UBE3A: variants seen among roughly 807,000 people sequenced by gnomAD.
UBE3A encodes the protein ubiquitin protein ligase E3A.
UBE3A carries 6 observed loss-of-function variants against 83.4 expected under a neutral mutation model. The observed-to-expected ratio is 0.07, with a 90% CI of 0.04 to 0.14. The LOEUF (loss-of-function observed/expected upper bound fraction) is 0.14, where lower values mean the gene tolerates loss of function less well. Ranked by LOEUF, UBE3A falls within the 10% of genes least tolerant of loss-of-function variation. The pLI is 1.00. For synonymous variants in UBE3A, 337 were observed against 355.4 expected (o/e 0.95, Z 0.58); for missense variants, 456 against 1,036.1 (o/e 0.44, Z 7.69).
intron 1 of UBE3A, among the ~76,000 whole-genome samples, chr15:25,421,040 T>A (rs1889580439): frequency 6.6e-6 from 1 of 152,238 alleles, no homozygotes; most frequent in Non-Finnish European, 1.5e-5. Flanking sequence ...ACGGTTTGAA[T>A]ATTTGTCCTG....
In UBE3A at chr15:25,338,606, T is replaced by C. The variant is rs911478529; in HGVS notation, c.*531A>G. On this transcript the variant is annotated 3_prime_UTR_variant, in exon 13 of 13. Transcript: ENST00000648336. ...ATTGCATCACACTGTTTTCAAGACT[T>C]CAAGTTTCAAAAGCAAATCATTAAA... is the stretch of plus-strand genomic sequence containing the variant. The C allele has an allele frequency of 6.6e-6, 1 of 152,082 alleles. No individual in the cohort carries two copies. The highest frequency in any genetic ancestry group is 1.5e-5 in the Non-Finnish European group (1 of 68,014). 9.4% of individuals were successfully genotyped at this position (152,082 alleles called of 1,614,324 possible).
chr15:25,334,636 A>G lies in UBE3A; in HGVS notation c.*4501T>C, dbSNP rs1053746815. 1 of 151,768 alleles carries G rather than the reference A, an allele frequency of 6.6e-6. No individual in the cohort carries two copies. The highest frequency in any genetic ancestry group is 1.5e-5 in the Non-Finnish European group (1 of 67,976). The allele number at this position is 151,768 out of a possible 1,614,324, so 9.4% of individuals were successfully genotyped here. ...AAAAAAAAAAATGGAGGACTTGCAC[A>G]TCCCAAATCTAAACTTACTACCAAG... is the stretch of plus-strand genomic sequence containing the variant. On this transcript the variant is annotated 3_prime_UTR_variant, in exon 13 of 13. Coordinates refer to ENST00000648336, the MANE Select transcript of UBE3A (RefSeq NM_130839.5).
intron 4 of UBE3A, among the ~76,000 whole-genome samples, chr15:25,402,088 G>A (rs1177747798): frequency 1.2e-4 from 18 of 152,110 alleles, no homozygotes; most frequent in Admixed American, 1.1e-3. Flanking sequence ...TTTGACTGGT[G>A]TCACGTTTCC....
intron 6 of UBE3A, among the ~76,000 whole-genome samples, chr15:25,365,776 A>C (rs1243996844): frequency 1.3e-5 from 2 of 151,512 alleles, no homozygotes; most frequent in African/African-American, 4.8e-5. Context: ...GAGGAAAAAG[A>C]AAGAAAGGCT....
At chr15:25,376,298 T>C (rs1595867382) in intron 4 of UBE3A, among the ~76,000 whole-genome samples, 1 of 152,308 alleles carries the variant, frequency 6.6e-6, no homozygotes, top group South Asian at 2.1e-4. Context: ...CATGGGAGAC[T>C]TAAAAATAAA....
rs149970079 is a variant in UBE3A at position 25,433,433 on chromosome 15, G to C, written c.-165+5056C>G. Among the ~76,000 whole-genome samples, 6 of 152,176 alleles carry C rather than the reference G, an allele frequency of 3.9e-5. No homozygotes were observed. In the East Asian group the frequency reaches 1.2e-3, roughly 30 times the overall value. ...GATCTCCTGATCTCGTGATCCGCCCGCCTCGGCTTCCCAAAGTGCTGGGAT... is the reference window on the plus strand; with the variant it reads ...GATCTCCTGATCTCGTGATCCGCCCCCCTCGGCTTCCCAAAGTGCTGGGAT... On this transcript the variant is annotated intron_variant, in intron 1 of 12. Transcript: ENST00000648336.
intron 11 of UBE3A, chr15:25,345,779 G>A (rs547398628): frequency 1.3e-5 from 2 of 152,074 alleles, no homozygotes. Flanking sequence ...CATTAGAAAT[G>A]GGAAATTTCT....
chr15:25,397,231 A>G (rs1388519922), intron 4 of UBE3A, among the ~76,000 whole-genome samples: 1 of 152,140 alleles, frequency 6.6e-6, no homozygotes. Context: ...CTATTGAGAC[A>G]TTATGGGAAG....
At chr15:25,406,316 G>A (rs1567100209) in intron 3 of UBE3A, among the ~76,000 whole-genome samples, 1 of 152,098 alleles carries the variant, frequency 6.6e-6, no homozygotes, top group Non-Finnish European at 1.5e-5. Flanking sequence ...GTGAAGTTTT[G>A]CACTGGATAG....
chr15:25,398,771 T>TATATATATA (rs2086218460), intron 4 of UBE3A, among the ~76,000 whole-genome samples: 5 of 68,950 alleles, frequency 7.3e-5, no homozygotes, highest in African/African-American at 2.2e-4. Flanking sequence ...ATTCTTTTAT[T>TATATATATA]TATATATATA....
chr15:25,415,438 A>G (rs1256246728), intron 1 of UBE3A, among the ~76,000 whole-genome samples: 2 of 152,108 alleles, frequency 1.3e-5, no homozygotes, highest in African/African-American at 4.8e-5. Flanking sequence ...TCATTTGACT[A>G]TTGGCTATAA....
chr15:25,415,439 T>C (rs934532247), intron 1 of UBE3A, among the ~76,000 whole-genome samples: 4 of 152,162 alleles, frequency 2.6e-5, no homozygotes, highest in Non-Finnish European at 5.9e-5. Context: ...CATTTGACTA[T>C]TGGCTATAAT....
chr15:25,405,641 A>G (rs1170960236), intron 3 of UBE3A, 139 bp from the exon 4 acceptor site: 5 of 921,702 alleles, frequency 5.4e-6, no homozygotes, highest in East Asian at 5.2e-5. Context: ...AGATGTCAAC[A>G]TGAAAGAAAG....
chr15:25,394,451 G>A lies in UBE3A; in HGVS notation c.62+11010C>T, dbSNP rs369671443. Among the ~76,000 whole-genome samples, 9 of 152,198 alleles carry A rather than the reference G, an allele frequency of 5.9e-5. No homozygotes were observed. In the East Asian group the frequency reaches 1.7e-3, roughly 29 times the overall value. ...GAACCTATAGGAGAACCACTTATTT[G>A]ATTAAAGAGATTTCTTTTACTTCAG... On this transcript the variant is annotated intron_variant, in intron 4 of 12. Coordinates refer to ENST00000648336, the MANE Select transcript of UBE3A (RefSeq NM_130839.5).
chr15:25,409,875 T>C (rs1188831435), intron 2 of UBE3A, among the ~76,000 whole-genome samples: 1 of 152,004 alleles, frequency 6.6e-6, no homozygotes, highest in East Asian at 1.9e-4. Flanking sequence ...TCCCACTAAT[T>C]CTGTATGTAC....
At chr15:25,435,037 G>T (rs537369979) in intron 1 of UBE3A, among the ~76,000 whole-genome samples, 1 of 136,534 alleles carries the variant, frequency 7.3e-6, no homozygotes, top group African/African-American at 2.9e-5. Flanking sequence ...AATACACTAC[G>T]TGCCAGATAC....
At chr15:25,434,969 T>TATACACACACACAC (rs1167502949) in intron 1 of UBE3A, among the ~76,000 whole-genome samples, 2 of 142,886 alleles carry the variant, frequency 1.4e-5, no homozygotes, top group Admixed American at 7.0e-5. Flanking sequence ...TCTATATACA[T>TATACACACACACAC]ACACACACAC....
chr15:25,340,123 T>C lies in UBE3A; in HGVS notation c.2460A>G (p.Leu820=), dbSNP rs747228754. 5.6e-6 allele frequency: 9 copies of C among 1,614,082 alleles called. No individual in the cohort carries two copies. The highest frequency in any genetic ancestry group is 6.8e-6 in the Non-Finnish European group (8 of 1,179,954). ...GGCCATTTTTGGCTATAATCATCTT[T>C]AATTTTCCTAGTCCTCCCACAGGTG... ...DRAPVGGLGK[L]KMIIAKNGPD... The change falls in exon 12 of 13, where the codon TTA becomes TTG. Residue 820 remains leucine, a synonymous_variant. Transcript: ENST00000648336.
In UBE3A at chr15:25,338,172, A is replaced by AG. The variant is rs1474060863; in HGVS notation, c.*964_*965insC. The AG allele has an allele frequency of 3.9e-5, 6 of 152,248 alleles. No individual in the cohort carries two copies. In the East Asian group the frequency reaches 1.2e-3, roughly 29 times the overall value. 9.4% of individuals were successfully genotyped at this position (152,248 alleles called of 1,614,324 possible). ...TCTATTTAAAATCTAGGTAATAAGTAAGTAATTAATAAAAACTCTATCTTA... is the reference window on the plus strand; with the variant it reads ...TCTATTTAAAATCTAGGTAATAAGTAGAGTAATTAATAAAAACTCTATCTTA... On this transcript the variant is annotated 3_prime_UTR_variant, in exon 13 of 13. Transcript: ENST00000648336.
Sources: allele counts gnomAD v4.1 joint callset (sites outside exome capture counted in the v4.1 genomes callset), GRCh38; gene constraint gnomAD v4.1.1; transcripts MANE v1.5; gene names NCBI Gene and HGNC (gene_info 2026-07-23, HGNC 2026-07-21).